Variants in FSD1L observed in about 807,000 individuals in gnomAD.
FSD1L encodes the protein FSD1-like protein.
FSD1L carries 45 observed loss-of-function variants against 71.6 expected under a neutral mutation model. The observed-to-expected ratio is 0.63, with a 90% CI of 0.49 to 0.81. FSD1L has a LOEUF of 0.81. Among genes scored for constraint, FSD1L ranks in the 30% least tolerant of loss-of-function variants. The pLI, the probability that FSD1L is intolerant of heterozygous loss-of-function variation, is 0.00. For synonymous variants in FSD1L, 197 were observed against 207.2 expected, an observed-to-expected ratio of 0.95 and a Z score of 0.42; for missense variants, 561 against 618.1, an observed-to-expected ratio of 0.91 and a Z score of 0.98.
rs749007612 is a variant in FSD1L, at chr9:105,534,723, G to T, written c.1126+130G>T. The T allele has an allele frequency of 8.1e-6, 5 of 617,598 alleles. No individual in the cohort carries two copies. The Admixed American group carries it at 9.8e-5, about 12-fold the overall frequency. 38.3% of individuals were successfully genotyped at this position (617,598 alleles called of 1,614,324 possible). On this transcript the variant is annotated intron_variant, in intron 11 of 13. Coordinates refer to ENST00000481272, the MANE Select transcript of FSD1L (RefSeq NM_001145313.3). ...TTGCAAGAAATTTCTCCCAATTGAA[G>T]CCTAATTACTTTGGGGAGTTTTCAG... is the stretch of plus-strand genomic sequence containing the variant.
intron 1 of FSD1L, among the ~76,000 whole-genome samples, chr9:105,450,591 C>T (rs937579846): frequency 1.3e-5 from 2 of 148,476 alleles, no homozygotes; most frequent in African/African-American, 2.5e-5. Flanking sequence ...TGGAGTGCAA[C>T]GGTGCAATCT....
Position 105,547,905 on chromosome 9 carries a change from T to C in FSD1L, c.*1422T>C, listed in dbSNP as rs1021735079. The C allele has an allele frequency of 1.3e-5, 2 of 152,136 alleles. No individual in the cohort carries two copies. Among genetic ancestry groups the C allele is most frequent in the African/African-American group, 4.8e-5 (2 of 41,464 alleles). The allele number at this position is 152,136 out of a possible 1,614,324, so 9.4% of individuals were successfully genotyped here. On this transcript the variant is annotated 3_prime_UTR_variant, in exon 14 of 14. Coordinates refer to ENST00000481272, the MANE Select transcript of FSD1L (RefSeq NM_001145313.3). ...TATTGTGCTATGATAACCAACCTTC[T>C]TCCAAGGAGTGACCATTACTGCCTA...
At position 105,535,111 on chromosome 9, in the gene FSD1L, G is replaced by A. The variant is rs753530325; in HGVS notation, c.1171G>A (p.Ala391Thr). 74 of 1,551,598 alleles carry A rather than the reference G, an allele frequency of 4.8e-5. 3 individuals carry two copies. In the South Asian group the frequency reaches 8.4e-4, roughly 18 times the overall value. Residue 391 changes from alanine to threonine, a missense_variant, in exon 12 of 14, where the codon GCC becomes ACC. Ala to Thr is a moderately conservative substitution (Grantham distance 58, BLOSUM62 0). This residue lies in a region of FSD1L where 53 missense variants were observed against 102.2 expected (regional missense o/e 0.52). Coordinates refer to ENST00000481272, the MANE Select transcript of FSD1L (RefSeq NM_001145313.3). ...ESGQHYWEVK[A>T]QKDCKSYSVG... ...TGGACAACATTATTGGGAGGTCAAGGCCCAGAAGGATTGTAAATCCTACAG... is the reference window on the plus strand; with the variant it reads ...TGGACAACATTATTGGGAGGTCAAGACCCAGAAGGATTGTAAATCCTACAG...
chr9:105,548,819 C>T lies in FSD1L; in HGVS notation c.*2336C>T, dbSNP rs1437611789. On this transcript the variant is annotated 3_prime_UTR_variant, in exon 14 of 14. Coordinates refer to ENST00000481272, the MANE Select transcript of FSD1L (RefSeq NM_001145313.3). Reference sequence around the variant, plus strand: ...CTTCAAAATAAGAGTCTGAGGATTTCTTCTTACTGGCGTTCTTAAAGGTCT... The same window carrying T: ...CTTCAAAATAAGAGTCTGAGGATTTTTTCTTACTGGCGTTCTTAAAGGTCT... 1 of 151,968 alleles carries T rather than the reference C, an allele frequency of 6.6e-6. No homozygotes were observed. Among genetic ancestry groups the T allele is most frequent in the Non-Finnish European group, 1.5e-5 (1 of 67,936 alleles). The allele number at this position is 151,968 out of a possible 1,614,324, so 9.4% of individuals were successfully genotyped here.
intron 1 of FSD1L, among the ~76,000 whole-genome samples, chr9:105,449,593 A>G (rs1356059564): frequency 6.6e-6 from 1 of 152,224 alleles, no homozygotes; most frequent in Admixed American, 6.5e-5. Context: ...TCATCTATGC[A>G]GTAGAAGTAA....
At chr9:105,494,394 A>G (rs1242756380) in intron 7 of FSD1L, among the ~76,000 whole-genome samples, 1 of 151,954 alleles carries the variant, frequency 6.6e-6, no homozygotes, top group African/African-American at 2.4e-5. Context: ...TTCTAGTTAT[A>G]CATTCGTCTA....
chr9:105,499,442 G>A (rs1436829633), intron 7 of FSD1L, among the ~76,000 whole-genome samples: 1 of 151,722 alleles, frequency 6.6e-6, no homozygotes, highest in Non-Finnish European at 1.5e-5. Context: ...TTTCTTCATA[G>A]CATGTCTATT....
chr9:105,516,396 G>A (rs1834725435), intron 10 of FSD1L, among the ~76,000 whole-genome samples: 1 of 152,158 alleles, frequency 6.6e-6, no homozygotes, highest in Non-Finnish European at 1.5e-5. Flanking sequence ...TCCTGACTAG[G>A]AGACACCTCC....
intron 12 of FSD1L, among the ~76,000 whole-genome samples, chr9:105,538,438 A>C (rs1236999919): frequency 6.6e-6 from 1 of 152,230 alleles, no homozygotes; most frequent in East Asian, 1.9e-4. Flanking sequence ...AAGTGGCTAC[A>C]TTTAGAACAG....
At chr9:105,465,857 A>G (rs1271018731) in intron 3 of FSD1L, among the ~76,000 whole-genome samples, 1 of 152,096 alleles carries the variant, frequency 6.6e-6, no homozygotes, top group African/African-American at 2.4e-5. Flanking sequence ...AACAAGACAA[A>G]GATGTTTACT....
At chr9:105,452,661 G>GCCTTCCTCCCTTCCTT (rs1442328790) in intron 1 of FSD1L, among the ~76,000 whole-genome samples, 17 of 95,204 alleles carry the variant, frequency 1.8e-4, no homozygotes, top group Non-Finnish European at 3.8e-4. Flanking sequence ...CTGCCTGCCT[G>GCCTTCCTCCCTTCCTT]CCTGCCTGCC....
intron 7 of FSD1L, among the ~76,000 whole-genome samples, chr9:105,495,690 C>T (rs927292480): frequency 9.2e-5 from 14 of 152,172 alleles, no homozygotes; most frequent in African/African-American, 3.1e-4. Flanking sequence ...ATTAAGAGTT[C>T]TTTGGGCCGG....
intron 8 of FSD1L, 54 bp from the exon 9 acceptor site, chr9:105,508,563 G>A: frequency 2.0e-6 from 2 of 999,822 alleles, no homozygotes; most frequent in South Asian, 1.4e-5. Context: ...TCTTACTTTT[G>A]GGAATAGAAT....
chr9:105,521,657 C>T, intron 10 of FSD1L: 2 of 1,613,258 alleles, frequency 1.2e-6, no homozygotes, highest in Non-Finnish European at 1.7e-6. Context: ...TTGAAAATGT[C>T]ACAGACCATG....
chr9:105,509,336 C>T (rs1834263972), intron 9 of FSD1L, among the ~76,000 whole-genome samples: 1 of 152,178 alleles, frequency 6.6e-6, no homozygotes, highest in Non-Finnish European at 1.5e-5. Flanking sequence ...CCAGCCCTTA[C>T]TATGAGCCTG....
chr9:105,492,766 T>C (rs1190553605), intron 7 of FSD1L, among the ~76,000 whole-genome samples: 3 of 152,188 alleles, frequency 2.0e-5, no homozygotes, highest in Admixed American at 6.5e-5. Flanking sequence ...TACCCAGTAG[T>C]CATTCAGGAG....
chr9:105,525,970 A>T (rs1835482025), intron 10 of FSD1L: 1 of 1,571,516 alleles, frequency 6.4e-7, no homozygotes, highest in African/African-American at 1.4e-5. Flanking sequence ...TGAAGTGCAC[A>T]TTGTTTGGTC....
chr9:105,504,647 G>A (rs1833947524), intron 7 of FSD1L, among the ~76,000 whole-genome samples: 3 of 152,116 alleles, frequency 2.0e-5, no homozygotes, highest in African/African-American at 7.2e-5. Flanking sequence ...AGATGCTCAA[G>A]TCCCTAAAAA....
chr9:105,539,626 GA>G lies in FSD1L; in HGVS notation c.1467+277del, dbSNP rs150958772. On this transcript the variant is annotated intron_variant, in intron 13 of 13. Transcript: ENST00000481272. Reference sequence around the variant, plus strand: ...TGCACTCATGTGTAACTAGCACTTAGAACATTACGAGAACCTCAGAAGCCCC... The same window carrying G: ...TGCACTCATGTGTAACTAGCACTTAGACATTACGAGAACCTCAGAAGCCCC... Among the ~76,000 whole-genome samples, 1,400 of 152,192 alleles carry G rather than the reference GA, an allele frequency of 9.2e-3. 22 individuals carry two copies. The highest frequency in any genetic ancestry group is 0.032 in the African/African-American group (1,341 of 41,516).
Sources: allele counts gnomAD v4.1 joint callset (sites outside exome capture counted in the v4.1 genomes callset), GRCh38; gene constraint gnomAD v4.1.1; regional missense constraint gnomAD v4.1.1; transcripts MANE v1.5; gene names NCBI Gene and HGNC (gene_info 2026-07-23, HGNC 2026-07-21).